Variants in HOMEZ observed in about 807,000 individuals in gnomAD.
The protein encoded by HOMEZ is homeobox and leucine zipper encoding.
In HOMEZ, 20 loss-of-function variants were observed where a neutral mutation model predicts 50.1. That is an observed-to-expected ratio of 0.40 (90% confidence interval 0.28 to 0.58). The LOEUF (loss-of-function observed/expected upper bound fraction) is 0.58, where lower values mean the gene tolerates loss of function less well. Among genes scored for constraint, HOMEZ ranks in the 20% least tolerant of loss-of-function variants. HOMEZ has a pLI of 0.46. For missense variants in HOMEZ, 579 were observed against 680.5 expected (o/e 0.85, Z 1.66); for synonymous variants, 239 against 254.7 (o/e 0.94, Z 0.59).
chr14:23,284,951 G>T (rs897404667), intron 1 of HOMEZ: 3 of 152,174 alleles, frequency 2.0e-5, no homozygotes, highest in Non-Finnish European at 4.4e-5. Context: ...TCAATAGTCT[G>T]TACTGGGGTC....
chr14:23,275,358 T>TG lies in HOMEZ; in HGVS notation c.*216_*217insC. 1 of 586,316 alleles carries TG rather than the reference T, an allele frequency of 1.7e-6. No homozygotes were observed. Among genetic ancestry groups the TG allele is most frequent in the South Asian group, 2.4e-5 (1 of 42,108 alleles). The allele number at this position is 586,316 out of a possible 1,614,324, so 36.3% of individuals were successfully genotyped here. On this transcript the variant is annotated 3_prime_UTR_variant, in exon 2 of 2. Transcript: ENST00000357460. ...CACTCCCTACCCTAAGGTTAGAGGGTTGGATTTCTGCTGATCCAATCCCAG... is the reference window on the plus strand; with the variant it reads ...CACTCCCTACCCTAAGGTTAGAGGGTGTGGATTTCTGCTGATCCAATCCCAG...
Position 23,272,447 on chromosome 14 carries a change from AAC to A in HOMEZ, c.*3126_*3127del, listed in dbSNP as rs1042395168. ...AAAACAACAAACAAACAAACAAACA[AAC>A]AACCGAAAATGTGAAAAAATTTTAA... On this transcript the variant is annotated 3_prime_UTR_variant, in exon 2 of 2. Transcript: ENST00000357460. 7.8e-6 allele frequency: 2 copies of A among 257,682 alleles called. No individual in the cohort carries two copies. The highest frequency in any genetic ancestry group is 4.7e-5 in the African/African-American group (2 of 42,292). 16.0% of individuals were successfully genotyped at this position (257,682 alleles called of 1,614,324 possible).
intron 1 of HOMEZ, among the ~76,000 whole-genome samples, chr14:23,279,701 C>T (rs1411316692): frequency 3.3e-5 from 5 of 152,212 alleles, no homozygotes; most frequent in Admixed American, 1.3e-4. Context: ...AGGCTGGTCT[C>T]GAACTCCTGA....
In HOMEZ at chr14:23,272,541, G is replaced by A. The variant is rs1176574521; in HGVS notation, c.*3034C>T. The stretch of plus-strand genomic sequence containing the variant: ...TCTGCCTCCCTGGTAGTCATCTCTG[G>A]GTGTGGTAGTCATATGTCCCAGATT... On this transcript the variant is annotated 3_prime_UTR_variant, in exon 2 of 2. Coordinates refer to ENST00000357460, the MANE Select transcript of HOMEZ (RefSeq NM_020834.3). 4.8e-6 allele frequency: 2 copies of A among 412,414 alleles called. No homozygotes were observed. The highest frequency in any genetic ancestry group is 2.4e-5 in the South Asian group (1 of 40,836). The allele number at this position is 412,414 out of a possible 1,614,324, so 25.5% of individuals were successfully genotyped here.
intron 1 of HOMEZ, 152 bp downstream of exon 1, chr14:23,285,761 G>T: frequency 2.3e-6 from 1 of 436,780 alleles, no homozygotes; most frequent in Non-Finnish European, 3.9e-6. Context: ...TACAACAGGG[G>T]AGGGAACCGA....
intron 1 of HOMEZ, chr14:23,284,958 G>A (rs1283519475): frequency 6.6e-6 from 1 of 152,094 alleles, no homozygotes; most frequent in East Asian, 1.9e-4. Context: ...TCTGTACTGG[G>A]GTCCAGGCAT....
rs1566449408 is a variant in HOMEZ at position 23,276,903 on chromosome 14, G to A, written c.325C>T (p.Arg109Cys). Residue 109 changes from arginine to cysteine, a missense_variant, in exon 2 of 2, where the codon CGC becomes TGC. Transcript: ENST00000357460. The surrounding 1 kb of genome is among the most constrained non-coding windows in gnomAD (Gnocchi z 4.1). ...TCAGATGACCAGCTAATACCACAGC[G>A]GAGGCGCTGGGCCATAAACCAAGTC... ...VKTWFMAQRL[R>C]CGISWSSEEI... is the part of the protein sequence containing the mutation. 7 of 1,614,074 alleles carry A rather than the reference G, an allele frequency of 4.3e-6. No individual in the cohort carries two copies. The highest frequency in any genetic ancestry group is 2.2e-5 in the East Asian group (1 of 44,896).
rs759277603 is a variant in HOMEZ, at chr14:23,275,814, C to G, written c.1414G>C (p.Ala472Pro). ...DIQPLERYWA[A>P]HQQLRETDIP... The stretch of plus-strand genomic sequence containing the variant: ...TCAGTTTCCCGTAGCTGTTGGTGGG[C>G]TGCCCAGTACCTCTCCAAGGGTTGT... Residue 472 changes from alanine (A) to proline (P), a missense_variant, in exon 2 of 2, where the codon GCC becomes CCC. Coordinates refer to ENST00000357460, the MANE Select transcript of HOMEZ (RefSeq NM_020834.3). 5.0e-6 allele frequency: 8 copies of G among 1,607,004 alleles called. No homozygotes were observed. Among genetic ancestry groups the G allele is most frequent in the South Asian group, 1.1e-5 (1 of 89,820 alleles).
Position 23,272,859 on chromosome 14 carries a change from A to G in HOMEZ, c.*2716T>C, listed in dbSNP as rs1406569450. On this transcript the variant is annotated 3_prime_UTR_variant, in exon 2 of 2. Coordinates refer to ENST00000357460, the MANE Select transcript of HOMEZ (RefSeq NM_020834.3). ...ACAACGGAGGCATATGGGATTACCC[A>G]GTGGGAGAGAAGCATGGACCACTTC... 4 of 1,547,834 alleles carry G rather than the reference A, an allele frequency of 2.6e-6. No individual in the cohort carries two copies. In the South Asian group the frequency reaches 4.8e-5, roughly 18 times the overall value.
At chr14:23,282,375 C>G (rs1490272291) in intron 1 of HOMEZ, among the ~76,000 whole-genome samples, 2 of 151,962 alleles carry the variant, frequency 1.3e-5, no homozygotes, top group Non-Finnish European at 2.9e-5. Context: ...TAATTTGGAT[C>G]CTTTGTGATC....
rs1055061 is a variant in HOMEZ, at chr14:23,275,723, C to T, written c.1505G>A (p.Arg502Gln). ...TQQVLDWFDS[R>Q]LPQPAEVVVC... The stretch of plus-strand genomic sequence containing the variant: ...TACCACCTCAGCTGGCTGAGGTAAT[C>T]GAGAGTCAAACCAATCCAGCACCTG... The change falls in exon 2 of 2, where the codon CGA (arginine) becomes CAA (glutamine). Residue 502 changes from arginine to glutamine, a missense_variant. Transcript: ENST00000357460. 98,777 of 1,610,850 alleles carry T rather than the reference C, an allele frequency of 0.061. 4,686 individuals carry two copies. The highest frequency in any genetic ancestry group is 0.2 in the African/African-American group (15,291 of 74,836).
chr14:23,282,021 C>T (rs1316478477), intron 1 of HOMEZ, among the ~76,000 whole-genome samples: 1 of 151,678 alleles, frequency 6.6e-6, no homozygotes, highest in African/African-American at 2.4e-5. Flanking sequence ...AAAGCACCTA[C>T]CCAGCAAGTT....
intron 1 of HOMEZ, among the ~76,000 whole-genome samples, chr14:23,278,673 G>C (rs1192576851): frequency 6.6e-6 from 1 of 151,032 alleles, no homozygotes; most frequent in Non-Finnish European, 1.5e-5. Flanking sequence ...CCTCAGAATT[G>C]TTTGTTTGTT....
At chr14:23,280,693 T>TA (rs1555323495) in intron 1 of HOMEZ, among the ~76,000 whole-genome samples, 22 of 118,002 alleles carry the variant, frequency 1.9e-4, no homozygotes, top group African/African-American at 6.3e-4. Context: ...TATTTTATTT[T>TA]TATTTTTATA....
intron 1 of HOMEZ, among the ~76,000 whole-genome samples, chr14:23,278,178 C>A (rs939264211): frequency 6.6e-5 from 10 of 152,074 alleles, no homozygotes; most frequent in Non-Finnish European, 1.5e-5. Flanking sequence ...CCAGGCCACC[C>A]AGGCTGGAGT....
intron 1 of HOMEZ, among the ~76,000 whole-genome samples, chr14:23,284,194 A>G (rs1368387599): frequency 1.3e-5 from 2 of 152,256 alleles, no homozygotes; most frequent in Non-Finnish European, 2.9e-5. Context: ...AGCCAGGTTA[A>G]GGCTTACTGC....
intron 1 of HOMEZ, chr14:23,284,944 A>G (rs1379366571): frequency 6.6e-6 from 1 of 152,178 alleles, no homozygotes; most frequent in Non-Finnish European, 1.5e-5. Flanking sequence ...TTCAGGTTCA[A>G]TAGTCTGTAC....
In HOMEZ at chr14:23,275,795, T is replaced by A; in HGVS notation, c.1433A>T (p.Glu478Val). ...RYWAAHQQLR[E>V]TDIPQLSQAS... ...CTGACTCAATTGAGGGATATCAGTT[T>A]CCCGTAGCTGTTGGTGGGCTGCCCA... The change falls in exon 2 of 2, where the codon GAA becomes GTA. Residue 478 changes from glutamate (E) to valine (V), a missense_variant. Glu to Val is a moderately radical substitution (Grantham distance 121, BLOSUM62 -2). Transcript: ENST00000357460. 1.9e-6 allele frequency: 3 copies of A among 1,611,842 alleles called. No homozygotes were observed. The highest frequency in any genetic ancestry group is 2.5e-6 in the Non-Finnish European group (3 of 1,178,602).
intron 1 of HOMEZ, chr14:23,284,980 A>C (rs1472341052): frequency 1.3e-5 from 2 of 152,206 alleles, no homozygotes; most frequent in African/African-American, 4.8e-5. Flanking sequence ...CAAAGTTTTT[A>C]AAAGTTCTCA....
Sources: gnomAD v4.1 joint callset for allele counts (sites outside exome capture counted in the v4.1 genomes callset) on GRCh38, gnomAD v4.1.1 for gene constraint, Gnocchi (gnomAD v3.1) non-coding constraint, MANE v1.5 for transcripts, NCBI Gene and HGNC (gene_info 2026-07-23, HGNC 2026-07-21) for gene names.